The following PREX1 variants were observed in gnomAD, a reference collection of about 807,000 sequenced individuals.
The protein encoded by PREX1 is phosphatidylinositol 3,4,5-trisphosphate-dependent Rac exchanger 1 protein.
A neutral mutation model predicts 198.3 loss-of-function variants in PREX1; 41 were observed. The ratio of observed to expected loss-of-function variants is 0.21; its 90% confidence interval spans 0.16 to 0.27. The LOEUF is 0.27. PREX1 is among the 10% of genes least tolerant of loss of function. The pLI is 1.00. For synonymous variants in PREX1, 843 were observed against 887.2 expected (o/e 0.95, Z 0.89); for missense variants, 1,620 against 2,200.7 (o/e 0.74, Z 5.28).
the PREX1 span, among the ~76,000 whole-genome samples, chr20:48,857,405 G>A: frequency 6.6e-6 from 1 of 152,198 alleles, no homozygotes; most frequent in Admixed American, 6.5e-5. Context: ...GGCTTGGCCG[G>A]GCACAGTGGC....
chr20:48,882,844 T>C, the PREX1 span, among the ~76,000 whole-genome samples: 51 of 152,134 alleles, frequency 3.4e-4, no homozygotes. Flanking sequence ...AATTTAATCA[T>C]CTTTTCATAA....
the PREX1 span, among the ~76,000 whole-genome samples, chr20:48,855,416 G>T: frequency 6.6e-6 from 1 of 152,182 alleles, no homozygotes. Context: ...CAGGGGGACA[G>T]ATGAAATTCC....
chr20:48,709,281 A>C (rs1003403495), intron 5 of PREX1, among the ~76,000 whole-genome samples: 1 of 152,204 alleles, frequency 6.6e-6, no homozygotes, highest in Non-Finnish European at 1.5e-5. Context: ...CTGACCCAGA[A>C]ACACGCCCAA....
intron 1 of PREX1, among the ~76,000 whole-genome samples, chr20:48,818,398 G>C (rs1213364582): frequency 6.6e-6 from 1 of 152,250 alleles, no homozygotes; most frequent in Non-Finnish European, 1.5e-5. Flanking sequence ...AGAGCCAAGA[G>C]GGGCAGGTCT....
chr20:48,846,834 G>A, the PREX1 span, among the ~76,000 whole-genome samples: 2 of 152,256 alleles, frequency 1.3e-5, no homozygotes, highest in East Asian at 1.9e-4. Flanking sequence ...GGACACTCCC[G>A]TCTACAGCCG....
chr20:48,703,243 T>C lies in PREX1; in HGVS notation c.784-2357A>G, dbSNP rs140337126. Among the ~76,000 whole-genome samples, 237 of 152,312 alleles carry C rather than the reference T, an allele frequency of 1.6e-3. 1 individual carries two copies. Among genetic ancestry groups the C allele is most frequent in the African/African-American group, 5.4e-3 (225 of 41,564 alleles). Reference sequence around the variant, plus strand: ...TACAACAAACCCATTCACTCAACAGTGCCAGAGACCCCTCTGGAGACTGGG... The same window carrying C: ...TACAACAAACCCATTCACTCAACAGCGCCAGAGACCCCTCTGGAGACTGGG... On this transcript the variant is annotated intron_variant, in intron 6 of 39. Coordinates refer to ENST00000371941, the MANE Select transcript of PREX1 (RefSeq NM_020820.4).
chr20:48,717,235 C>A (rs2123108216), intron 5 of PREX1, among the ~76,000 whole-genome samples: 1 of 150,818 alleles, frequency 6.6e-6, no homozygotes, highest in South Asian at 2.2e-4. Context: ...GAGAAAAAGG[C>A]AGGAGGGTGG....
rs572774270 is a variant in PREX1, at chr20:48,679,488, T to C, written c.1540-79A>G. 2.0e-5 allele frequency: 30 copies of C among 1,495,124 alleles called. No individual in the cohort carries two copies. In the African/African-American group the frequency reaches 3.7e-4, roughly 19 times the overall value. The allele number at this position is 1,495,124 out of a possible 1,614,324, so 92.6% of individuals were successfully genotyped here. A position where few individuals can be genotyped will look rare whatever the true frequency, so the allele number is the denominator to read the frequency against. On this transcript the variant is annotated intron_variant, in intron 12 of 39. Coordinates refer to ENST00000371941, the MANE Select transcript of PREX1 (RefSeq NM_020820.4). Reference sequence around the variant, plus strand: ...TCCAAATCCAGGCTGATGGGAGAGATGGCTTCCAGGACGGGGCAGGGCAGG... The same window carrying C: ...TCCAAATCCAGGCTGATGGGAGAGACGGCTTCCAGGACGGGGCAGGGCAGG...
chr20:48,878,298 G>C, the PREX1 span, among the ~76,000 whole-genome samples: 5 of 152,114 alleles, frequency 3.3e-5, no homozygotes, highest in African/African-American at 1.2e-4. Context: ...CTAATAAAAT[G>C]AGACCTCTTC....
intron 31 of PREX1, 41 bp from the exon 32 acceptor site, chr20:48,636,724 C>T (rs1489846816): frequency 6.5e-7 from 1 of 1,527,160 alleles, no homozygotes. Context: ...AGGGGCGCTC[C>T]CGTGCCACCA....
At chr20:48,781,114 A>T (rs2090287829) in intron 1 of PREX1, among the ~76,000 whole-genome samples, 1 of 152,216 alleles carries the variant, frequency 6.6e-6, no homozygotes, top group South Asian at 2.1e-4. Flanking sequence ...CTCACAGATT[A>T]CAGGAGACTA....
the PREX1 span, among the ~76,000 whole-genome samples, chr20:48,835,171 G>T: frequency 6.6e-6 from 1 of 152,230 alleles, no homozygotes; most frequent in Non-Finnish European, 1.5e-5. Flanking sequence ...AGGTGTTGCA[G>T]GTGGGCTGTG....
chr20:48,645,035 G>A (rs1037614253), intron 26 of PREX1, among the ~76,000 whole-genome samples: 1 of 152,208 alleles, frequency 6.6e-6, no homozygotes, highest in Non-Finnish European at 1.5e-5. Flanking sequence ...CCAGAGAGAG[G>A]GCAAAATCTG....
intron 5 of PREX1, among the ~76,000 whole-genome samples, chr20:48,712,890 C>G (rs193172242): frequency 1.3e-5 from 2 of 152,328 alleles, no homozygotes; most frequent in Non-Finnish European, 2.9e-5. Context: ...CTTTGGGAGG[C>G]CCAGGCAGGC....
the PREX1 span, among the ~76,000 whole-genome samples, chr20:48,866,488 G>A: frequency 6.6e-6 from 1 of 152,328 alleles, no homozygotes; most frequent in South Asian, 2.1e-4. Flanking sequence ...GCAGGCGCAA[G>A]TTGGAGAGGC....
chr20:48,756,602 T>A (rs2090156799), intron 1 of PREX1, among the ~76,000 whole-genome samples: 1 of 152,218 alleles, frequency 6.6e-6, no homozygotes, highest in Middle Eastern at 3.2e-3. Context: ...ATTGTATCTT[T>A]AACAGGCTAA....
intron 3 of PREX1, among the ~76,000 whole-genome samples, chr20:48,741,605 G>A (rs1485440559): frequency 6.6e-6 from 1 of 152,140 alleles, no homozygotes; most frequent in African/African-American, 2.4e-5. Flanking sequence ...TATATTCTAG[G>A]GAGAGACAGA....
At chr20:48,634,867 TC>T in intron 32 of PREX1, 92 bp from the exon 33 acceptor site, 2 of 1,115,664 alleles carry the variant, frequency 1.8e-6, no homozygotes, top group Non-Finnish European at 2.7e-6. Context: ...TAGTCGGCAC[TC>T]CACACTGTGG....
chr20:48,832,734 C>T (rs1039897709), upstream of PREX1, among the ~76,000 whole-genome samples: 23 of 152,218 alleles, frequency 1.5e-4, no homozygotes, highest in Admixed American at 3.3e-4. Flanking sequence ...CAAGTCAAAA[C>T]GTCTCTAAGG....
Sources: allele counts gnomAD v4.1 joint callset (sites outside exome capture counted in the v4.1 genomes callset), GRCh38; gene constraint gnomAD v4.1.1; transcripts MANE v1.5; gene names NCBI Gene and HGNC (gene_info 2026-07-23, HGNC 2026-07-21).